Variants in TRIM54 observed in about 807,000 individuals in gnomAD.
TRIM54 encodes the protein tripartite motif-containing protein 54.
A neutral mutation model predicts 42.0 loss-of-function variants in TRIM54; 40 were observed. The ratio of observed to expected loss-of-function variants is 0.95; its 90% CI spans 0.74 to 1.24. TRIM54 has a LOEUF of 1.24. Among genes scored for constraint, TRIM54 ranks in the 50% most tolerant of loss-of-function variants. TRIM54 has a pLI of 0.00. For synonymous variants in TRIM54, 199 were observed against 194.9 expected (o/e 1.02, Z -0.17); for missense variants, 485 against 480.3 (o/e 1.01, Z -0.09).
intron 1 of TRIM54, among the ~76,000 whole-genome samples, chr2:27,289,729 A>G (rs1425398261): frequency 6.6e-6 from 1 of 152,066 alleles, no homozygotes; most frequent in East Asian, 1.9e-4. Flanking sequence ...GGAAATGTCT[A>G]AAAAGGATCC....
intron 3 of TRIM54, among the ~76,000 whole-genome samples, chr2:27,304,276 A>G (rs1447362971): frequency 1.4e-5 from 2 of 143,942 alleles, no homozygotes; most frequent in Non-Finnish European, 3.0e-5. Context: ...ATATATATAT[A>G]TAGATAGATA....
Position 27,306,233 on chromosome 2 carries a change from T to A in TRIM54, c.887T>A (p.Val296Glu), listed in dbSNP as rs1558592406. The A allele has an allele frequency of 6.2e-7, 1 of 1,613,818 alleles. No individual in the cohort carries two copies. The highest frequency in any genetic ancestry group is 8.5e-7 in the Non-Finnish European group (1 of 1,179,962). ...TGCAGGGTCGGGGCCATGTCGAAGG[T>A]GGAGCTGGCAGGGCGGCCGGAGCCA... Reference protein sequence around the residue: ...LINKVGAMSKVELAGRPEPGY... With the variant: ...LINKVGAMSKEELAGRPEPGY... Residue 296 changes from valine (V) to glutamate (E), a missense_variant, in exon 7 of 9, where the codon GTG becomes GAG. Physicochemically the swap from Val to Glu is moderately radical, Grantham distance 121. Transcript: ENST00000380075. The surrounding 1 kb of genome is among the most constrained non-coding windows in gnomAD (Gnocchi z 6.1).
chr2:27,295,397 C>A (rs1300026038), intron 1 of TRIM54, among the ~76,000 whole-genome samples: 1 of 152,164 alleles, frequency 6.6e-6, no homozygotes, highest in African/African-American at 2.4e-5. Context: ...GCCTCCACCT[C>A]CCGGGTTCAA....
Position 27,305,726 on chromosome 2 carries a change from G to A in TRIM54, c.752G>A (p.Arg251His), listed in dbSNP as rs755136139. The change falls in exon 5 of 9, where the codon CGT becomes CAT. Residue 251 changes from arginine (R) to histidine (H), a missense_variant. Arg to His is a conservative substitution (Grantham distance 29, BLOSUM62 0). Coordinates refer to ENST00000380075, the MANE Select transcript of TRIM54 (RefSeq NM_187841.3). ...CTGCAGCGCGTCCGCGGCCTCATCCGTCAGTATGGCGACCACCTGGAGGCC... is the reference window on the plus strand; with the variant it reads ...CTGCAGCGCGTCCGCGGCCTCATCCATCAGTATGGCGACCACCTGGAGGCC... ...EKLQRVRGLI[R>H]QYGDHLEASS... 38 of 1,611,768 alleles carry A rather than the reference G, an allele frequency of 2.4e-5. No homozygotes were observed. Among genetic ancestry groups the A allele is most frequent in the Non-Finnish European group, 3.1e-5 (36 of 1,179,156 alleles).
intron 1 of TRIM54, among the ~76,000 whole-genome samples, chr2:27,286,411 A>C (rs533685589): frequency 6.6e-6 from 1 of 152,214 alleles, no homozygotes; most frequent in African/African-American, 2.4e-5. Flanking sequence ...AAGACACCAC[A>C]TTAACCCCCT....
intron 3 of TRIM54, among the ~76,000 whole-genome samples, chr2:27,300,389 T>C (rs1678996835): frequency 6.6e-6 from 1 of 151,846 alleles, no homozygotes; most frequent in Non-Finnish European, 1.5e-5. Flanking sequence ...GCCAGGCTGG[T>C]CTGGAACTCC....
chr2:27,299,793 C>T, intron 3 of TRIM54: 1 of 559,882 alleles, frequency 1.8e-6, no homozygotes. Flanking sequence ...GCAACCTCAG[C>T]CTCCCGGGTT....
chr2:27,303,083 A>C (rs572690022), intron 3 of TRIM54, among the ~76,000 whole-genome samples: 24 of 152,294 alleles, frequency 1.6e-4, no homozygotes, highest in African/African-American at 5.5e-4. Flanking sequence ...ATAGAAGCAA[A>C]GGAAATCAGT....
chr2:27,301,036 T>C (rs1679020871), intron 3 of TRIM54, among the ~76,000 whole-genome samples: 1 of 151,248 alleles, frequency 6.6e-6, no homozygotes, highest in Non-Finnish European at 1.5e-5. Flanking sequence ...TCAGGGCTAG[T>C]CCATAGAGTA....
intron 1 of TRIM54, among the ~76,000 whole-genome samples, chr2:27,289,717 G>C (rs992766517): frequency 1.3e-5 from 2 of 151,854 alleles, no homozygotes; most frequent in African/African-American, 4.8e-5. Context: ...GGAGCTATTG[G>C]GGGAAATGTC....
chr2:27,282,906 G>A lies in TRIM54; in HGVS notation c.168+7G>A. The A allele has an allele frequency of 6.2e-7, 1 of 1,607,734 alleles. No individual in the cohort carries two copies. Among genetic ancestry groups the A allele is most frequent in the African/African-American group, 1.3e-5 (1 of 75,040 alleles). Reference sequence around the variant, plus strand: ...TGCCAACGACGTCTTCCAGGTGGGTGCCAGGGACGGGGCAGGGCCAGGTAA... The same window carrying A: ...TGCCAACGACGTCTTCCAGGTGGGTACCAGGGACGGGGCAGGGCCAGGTAA... On this transcript the variant is annotated splice_region_variant and intron_variant, in intron 1 of 8. Transcript: ENST00000380075.
intron 1 of TRIM54, among the ~76,000 whole-genome samples, chr2:27,298,177 C>T (rs913415421): frequency 6.6e-6 from 1 of 152,056 alleles, no homozygotes; most frequent in African/African-American, 2.4e-5. Context: ...AGTTGTGGCC[C>T]AAGAGGGCCC....
intron 1 of TRIM54, among the ~76,000 whole-genome samples, chr2:27,294,984 G>C (rs1678824150): frequency 6.6e-6 from 1 of 151,806 alleles, no homozygotes; most frequent in East Asian, 1.9e-4. Flanking sequence ...AGCAAATCCT[G>C]GCTCAGTAGA....
At chr2:27,283,784 G>GCACA (rs3073589) in intron 1 of TRIM54, among the ~76,000 whole-genome samples, 9,654 of 132,068 alleles carry the variant, frequency 0.073, 413 homozygotes, top group East Asian at 0.14. Context: ...ACACACGCGC[G>GCACA]CACACACACA....
intron 1 of TRIM54, among the ~76,000 whole-genome samples, chr2:27,293,999 A>G (rs974876404): frequency 6.6e-6 from 1 of 152,100 alleles, no homozygotes; most frequent in Admixed American, 6.5e-5. Flanking sequence ...CTCCAGCCCG[A>G]CGACAGAGTG....
chr2:27,293,526 G>T (rs1678777680), intron 1 of TRIM54, among the ~76,000 whole-genome samples: 1 of 152,124 alleles, frequency 6.6e-6, no homozygotes, highest in African/African-American at 2.4e-5. Flanking sequence ...AGACAAACAG[G>T]TCATTCTGGT....
chr2:27,303,106 G>A (rs1344491715), intron 3 of TRIM54, among the ~76,000 whole-genome samples: 2 of 152,108 alleles, frequency 1.3e-5, no homozygotes, highest in Admixed American at 6.6e-5. Context: ...GGGTGGGGAG[G>A]GGCGAAGAGA....
chr2:27,282,984 G>A, intron 1 of TRIM54, 85 bp downstream of exon 1: 3 of 1,428,328 alleles, frequency 2.1e-6, no homozygotes, highest in South Asian at 1.4e-5. Context: ...ACCCCAGAAG[G>A]TGATGGATAG....
At position 27,306,444 on chromosome 2, in the gene TRIM54, C is replaced by T. The variant is rs778196144; in HGVS notation, c.992-12C>T. 3.1e-6 allele frequency: 5 copies of T among 1,603,780 alleles called. No homozygotes were observed. In the South Asian group the frequency reaches 4.4e-5, roughly 14 times the overall value. On this transcript the variant is annotated splice_polypyrimidine_tract_variant and intron_variant, in intron 7 of 8. Transcript: ENST00000380075. This position sits in a 1 kb window ranked among gnomAD's most constrained non-coding sequence, Gnocchi z 6.1. The stretch of plus-strand genomic sequence containing the variant: ...CAGGGACTCCACCTCACCAGGCCTT[C>T]CTTGGGCTCAGGCGCTTCCGGGGAG...
Sources: gnomAD v4.1 joint callset for allele counts (sites outside exome capture counted in the v4.1 genomes callset) on GRCh38, gnomAD v4.1.1 for gene constraint, Gnocchi (gnomAD v3.1) non-coding constraint, MANE v1.5 for transcripts, NCBI Gene and HGNC (gene_info 2026-07-23, HGNC 2026-07-21) for gene names.